The following NDST3 variants were observed in gnomAD, a reference collection of about 807,000 sequenced individuals.
The protein encoded by NDST3 is bifunctional heparan sulfate N-deacetylase/N-sulfotransferase 3.
A neutral mutation model predicts 96.1 loss-of-function variants in NDST3; 58 were observed. The observed-to-expected ratio is 0.60, with a 90% CI of 0.49 to 0.75. NDST3 has a LOEUF of 0.75. NDST3 is among the 30% of genes least tolerant of loss of function. NDST3 has a pLI of 0.00. For synonymous variants in NDST3, 333 were observed against 359.7 expected, an observed-to-expected ratio of 0.93 and a Z score of 0.84; for missense variants, 788 against 1,034.2, an observed-to-expected ratio of 0.76 and a Z score of 3.27.
At chr4:118,079,900 G>C (rs1727871756) in intron 2 of NDST3, among the ~76,000 whole-genome samples, 2 of 152,218 alleles carry the variant, frequency 1.3e-5, no homozygotes, top group East Asian at 3.9e-4. Flanking sequence ...TGGTATGTGG[G>C]AAGCACTAGG....
chr4:118,143,710 T>C (rs1204043566), intron 6 of NDST3, 26 bp downstream of exon 6: 7 of 1,558,298 alleles, frequency 4.5e-6, no homozygotes, highest in South Asian at 1.2e-5. Context: ...TCCAAATAAA[T>C]AGTGAAAAAT....
At chr4:118,051,001 T>C (rs1029567507) in intron 1 of NDST3, among the ~76,000 whole-genome samples, 5 of 152,140 alleles carry the variant, frequency 3.3e-5, no homozygotes, top group Non-Finnish European at 7.4e-5. Flanking sequence ...CCAAACAGCA[T>C]GGTACTGGTA....
intron 2 of NDST3, among the ~76,000 whole-genome samples, chr4:118,092,813 T>C (rs988475021): frequency 3.3e-5 from 5 of 151,858 alleles, no homozygotes; most frequent in African/African-American, 9.7e-5. Context: ...AGTAAGTATA[T>C]AGCATAACGT....
chr4:118,194,284 G>GC (rs1401532950), intron 6 of NDST3: 1 of 730,362 alleles, frequency 1.4e-6, no homozygotes, highest in African/African-American at 1.7e-5. Context: ...AGCCTTCACC[G>GC]CAAGTCTGTA....
rs539250631 is a variant in NDST3 at position 118,224,891 on chromosome 4, G to A, written c.1722+218G>A. On this transcript the variant is annotated intron_variant, in intron 7 of 13. Transcript: ENST00000296499. The stretch of plus-strand genomic sequence containing the variant: ...TTGCACATTGGAAATTATGGGATTC[G>A]GAAAGTTCAGTGACAGATTCAATGA... 8.5e-5 allele frequency among the ~76,000 whole-genome samples: 13 copies of A among 152,190 alleles called. No homozygotes were observed. The East Asian group carries it at 2.3e-3, about 27-fold the overall frequency.
chr4:118,237,153 T>G lies in NDST3; in HGVS notation c.2051T>G (p.Leu684Arg), dbSNP rs751016900. 6.2e-7 allele frequency: 1 copy of G among 1,613,764 alleles called. No individual in the cohort carries two copies. Among genetic ancestry groups the G allele is most frequent in the Non-Finnish European group, 8.5e-7 (1 of 1,179,822 alleles). The change falls in exon 10 of 14, where the codon CTG (leucine) becomes CGG (arginine). Residue 684 changes from leucine to arginine, a missense_variant. This residue lies in a region of NDST3 where 490 missense variants were observed against 708.8 expected (regional missense o/e 0.69). Transcript: ENST00000296499. ...SEEAPKRAASLVPKAKIITIL... is the reference protein window; with the variant it reads ...SEEAPKRAASRVPKAKIITIL... ...GAAGCCCCTAAAAGAGCTGCTTCTC[T>G]GGTTCCCAAAGCCAAGATTATCACC...
chr4:118,088,798 T>A (rs1406720303), intron 2 of NDST3, among the ~76,000 whole-genome samples: 1 of 152,030 alleles, frequency 6.6e-6, no homozygotes, highest in Non-Finnish European at 1.5e-5. Flanking sequence ...ATAGTAACTT[T>A]CTTGACAGTT....
At chr4:118,177,991 T>C (rs1362065916) in intron 6 of NDST3, among the ~76,000 whole-genome samples, 1 of 151,858 alleles carries the variant, frequency 6.6e-6, no homozygotes, top group Non-Finnish European at 1.5e-5. Context: ...TACAGTTAAG[T>C]TGAATGAGTA....
chr4:118,100,486 A>T (rs759891615), intron 2 of NDST3, among the ~76,000 whole-genome samples: 1 of 152,070 alleles, frequency 6.6e-6, no homozygotes, highest in Non-Finnish European at 1.5e-5. Flanking sequence ...CTGTCTCTGG[A>T]AAATCCTAAA....
intron 6 of NDST3, among the ~76,000 whole-genome samples, chr4:118,161,258 T>C (rs1160781229): frequency 6.6e-6 from 1 of 152,104 alleles, no homozygotes; most frequent in Non-Finnish European, 1.5e-5. Context: ...TACCCGGCCG[T>C]GTGAGGTGTC....
Position 118,053,828 on chromosome 4 carries a change from T to C in NDST3, c.-83T>C. On this transcript the variant is annotated 5_prime_UTR_variant, in exon 2 of 14. Transcript: ENST00000296499. ...TGGTGACATAAACTCTTGACAGAGATTGGAAAAGTAGCTGGAACACCATCT... is the reference window on the plus strand; with the variant it reads ...TGGTGACATAAACTCTTGACAGAGACTGGAAAAGTAGCTGGAACACCATCT... The C allele has an allele frequency of 6.9e-7, 1 of 1,448,180 alleles. No homozygotes were observed. 89.7% of individuals were successfully genotyped at this position (1,448,180 alleles called of 1,614,324 possible). A position where few individuals can be genotyped will look rare whatever the true frequency, so the allele number is the denominator to read the frequency against.
chr4:118,193,414 T>C (rs1192664427), intron 6 of NDST3: 3 of 667,066 alleles, frequency 4.5e-6, no homozygotes, highest in Non-Finnish European at 7.5e-6. Context: ...GCTATGCTTC[T>C]GTCTCCACTT....
At chr4:118,235,762 G>C (rs978185216) in intron 9 of NDST3, among the ~76,000 whole-genome samples, 11 of 152,138 alleles carry the variant, frequency 7.2e-5, no homozygotes, top group African/African-American at 2.7e-4. Flanking sequence ...AGAACAAATA[G>C]CACATCAAAC....
intron 2 of NDST3, among the ~76,000 whole-genome samples, chr4:118,081,608 G>A (rs1049990228): frequency 8.5e-5 from 13 of 152,232 alleles, no homozygotes; most frequent in African/African-American, 3.1e-4. Context: ...GCATCCAGAG[G>A]CAAAGGCTGT....
In NDST3 at chr4:118,205,997, T is replaced by C. The variant is rs939550776; in HGVS notation, c.1540-18494T>C. Among the ~76,000 whole-genome samples the C allele has an allele frequency of 2.1e-5, 3 of 143,044 alleles. 1 individual carries two copies. The highest frequency in any genetic ancestry group is 7.8e-5 in the African/African-American group (3 of 38,606). 93.8% of individuals were successfully genotyped at this position (143,044 alleles called of 152,430 possible). A position where few individuals can be genotyped will look rare whatever the true frequency, so the allele number is the denominator to read the frequency against. On this transcript the variant is annotated intron_variant, in intron 6 of 13. Coordinates refer to ENST00000296499, the MANE Select transcript of NDST3 (RefSeq NM_004784.3). ...ACAGAAGCCCGCCACCACGCCCAGC[T>C]AATTTTTTGTATTTTTAGTAGAGAC...
intron 6 of NDST3, among the ~76,000 whole-genome samples, chr4:118,220,481 A>G (rs980349649): frequency 5.9e-5 from 9 of 151,988 alleles, no homozygotes; most frequent in African/African-American, 1.9e-4. Context: ...GGAAAGCATT[A>G]GGGCAAATAG....
At chr4:118,078,220 G>A (rs1727729714) in intron 2 of NDST3, among the ~76,000 whole-genome samples, 1 of 152,064 alleles carries the variant, frequency 6.6e-6, no homozygotes, top group Non-Finnish European at 1.5e-5. Flanking sequence ...ATGTCTCCCT[G>A]CTGCCTTGAT....
chr4:118,059,408 C>T (rs1578552427), intron 2 of NDST3, among the ~76,000 whole-genome samples: 6 of 152,114 alleles, frequency 3.9e-5, no homozygotes, highest in African/African-American at 1.4e-4. Context: ...AATACAATGT[C>T]ATGAGTGGCT....
chr4:118,194,631 T>C, intron 6 of NDST3: 3 of 701,768 alleles, frequency 4.3e-6, no homozygotes, highest in Admixed American at 3.7e-5. Context: ...TCTGTACCTG[T>C]GCCCTCTCTC....
Sources: gnomAD v4.1 joint callset for allele counts (sites outside exome capture counted in the v4.1 genomes callset) on GRCh38, gnomAD v4.1.1 for gene constraint, gnomAD v4.1.1 regional missense constraint, MANE v1.5 for transcripts, NCBI Gene and HGNC (gene_info 2026-07-23, HGNC 2026-07-21) for gene names.